Variants in MYO1E observed in about 807,000 individuals in gnomAD.
MYO1E encodes the protein unconventional myosin-Ie.
Under a neutral mutation model 151.1 loss-of-function variants are expected in MYO1E, and 68 were observed. That is an observed-to-expected ratio of 0.45 (90% CI 0.37 to 0.55). MYO1E has a LOEUF of 0.55. Among genes scored for constraint, MYO1E ranks in the 20% least tolerant of loss-of-function variants. The probability of loss-of-function intolerance (pLI) is 0.00; values close to 1 mark genes in which losing one functional copy is unlikely to be tolerated. For synonymous variants in MYO1E, 601 were observed against 501.7 expected, an observed-to-expected ratio of 1.20 and a Z score of -2.64; for missense variants, 1,363 against 1,389.3, an observed-to-expected ratio of 0.98 and a Z score of 0.30.
At chr15:59,335,271 T>G (rs1247916193) in intron 1 of MYO1E, among the ~76,000 whole-genome samples, 2 of 152,238 alleles carry the variant, frequency 1.3e-5, no homozygotes, top group Non-Finnish European at 2.9e-5. Context: ...ATATATGTAC[T>G]ATCCTTGGTA....
chr15:59,310,952 C>G (rs2080547443), intron 1 of MYO1E, among the ~76,000 whole-genome samples: 1 of 152,108 alleles, frequency 6.6e-6, no homozygotes, highest in Non-Finnish European at 1.5e-5. Flanking sequence ...TAAGCCCTCT[C>G]AAGTCTGGCC....
In MYO1E at chr15:59,159,185, G is replaced by A. The variant is rs948177441; in HGVS notation, c.2786-806C>T. ...ACACAGCAAAGGAGCTGCAGCTCTAGGGCCTGGGAGAACCGACCACGTGGG... is the reference window on the plus strand; with the variant it reads ...ACACAGCAAAGGAGCTGCAGCTCTAAGGCCTGGGAGAACCGACCACGTGGG... On this transcript the variant is annotated intron_variant, in intron 24 of 27. Coordinates refer to ENST00000288235, the MANE Select transcript of MYO1E (RefSeq NM_004998.4). The surrounding 1 kb of genome is among the most constrained non-coding windows in gnomAD (Gnocchi z 4.4). 6.6e-6 allele frequency among the ~76,000 whole-genome samples: 1 copy of A among 152,228 alleles called. No individual in the cohort carries two copies. The highest frequency in any genetic ancestry group is 6.5e-5 in the Admixed American group (1 of 15,286).
intron 15 of MYO1E, 90 bp from the exon 16 acceptor site, chr15:59,202,497 T>C (rs557614839): frequency 8.5e-7 from 1 of 1,172,338 alleles, no homozygotes. Flanking sequence ...TGAAGGGCCG[T>C]CCCCAGGCAC....
At chr15:59,206,873 T>C (rs2079838111) in intron 14 of MYO1E, 11 of 1,505,046 alleles carry the variant, frequency 7.3e-6, no homozygotes, top group Middle Eastern at 3.7e-4. Context: ...AACGGCTCTC[T>C]TGGCGTCTCA....
chr15:59,138,362 C>T lies in MYO1E; in HGVS notation c.3086G>A (p.Arg1029Lys), dbSNP rs1463032558. 7 of 1,613,890 alleles carry T rather than the reference C, an allele frequency of 4.3e-6. No individual in the cohort carries two copies. The highest frequency in any genetic ancestry group is 5.9e-6 in the Non-Finnish European group (7 of 1,179,938). ...KVPDQGAAGVRRQTTSRPPPA... is the reference protein window; with the variant it reads ...KVPDQGAAGVKRQTTSRPPPA... ...GGGAGGCCGACTGGTTGTTTGTCTC[C>T]TGACCCTGTGGAGAGAGTGGAGCAG... is the stretch of plus-strand genomic sequence containing the variant. Residue 1029 changes from arginine to lysine, a missense_variant, in exon 27 of 28, where the codon AGG (arginine) becomes AAG (lysine). Coordinates refer to ENST00000288235, the MANE Select transcript of MYO1E (RefSeq NM_004998.4).
At chr15:59,167,870 G>C (rs1321331057) in intron 22 of MYO1E, among the ~76,000 whole-genome samples, 1 of 151,980 alleles carries the variant, frequency 6.6e-6, no homozygotes, top group Non-Finnish European at 1.5e-5. Context: ...GTAGAGAGGG[G>C]GTTTCATCAT....
intron 1 of MYO1E, among the ~76,000 whole-genome samples, chr15:59,346,250 C>T (rs1425135057): frequency 3.9e-5 from 6 of 152,110 alleles, no homozygotes; most frequent in Non-Finnish European, 7.3e-5. Flanking sequence ...TTCAGAAGCA[C>T]GAACTGCAGG....
At chr15:59,250,336 A>G (rs890740268) in intron 4 of MYO1E, among the ~76,000 whole-genome samples, 4 of 152,180 alleles carry the variant, frequency 2.6e-5, no homozygotes, top group Middle Eastern at 3.2e-3. Flanking sequence ...AAGGTGGGCC[A>G]GGCAGGCGGT....
At chr15:59,284,256 G>A (rs1223307812) in intron 1 of MYO1E, among the ~76,000 whole-genome samples, 2 of 152,158 alleles carry the variant, frequency 1.3e-5, no homozygotes, top group Non-Finnish European at 2.9e-5. Context: ...CAGCTATCGT[G>A]GGGCAAATAG....
chr15:59,242,997 G>A (rs535830103), intron 4 of MYO1E, among the ~76,000 whole-genome samples: 15 of 152,180 alleles, frequency 9.9e-5, no homozygotes, highest in African/African-American at 3.1e-4. Flanking sequence ...AGATGCATGT[G>A]GCTTCATGGG....
At chr15:59,147,082 A>C (rs2079445585) in intron 26 of MYO1E, among the ~76,000 whole-genome samples, 1 of 152,240 alleles carries the variant, frequency 6.6e-6, no homozygotes, top group South Asian at 2.1e-4. Flanking sequence ...AGAGAAGACC[A>C]AGTGATATAC....
At chr15:59,324,669 C>CCCG (rs1386040438) in intron 1 of MYO1E, among the ~76,000 whole-genome samples, 10 of 150,540 alleles carry the variant, frequency 6.6e-5, no homozygotes, top group East Asian at 3.9e-4. Flanking sequence ...CCAAGCCCCC[C>CCCG]CCCCACAGAG....
At chr15:59,357,276 G>C (rs956979734) in intron 1 of MYO1E, among the ~76,000 whole-genome samples, 1 of 152,050 alleles carries the variant, frequency 6.6e-6, no homozygotes, top group African/African-American at 2.4e-5. Context: ...GGGGAGGTGG[G>C]AATGGGGAGA....
Position 59,256,302 on chromosome 15 carries a change from T to G in MYO1E, c.314A>C (p.Asn105Thr), listed in dbSNP as rs4130243. 1.2e-6 allele frequency: 2 copies of G among 1,606,608 alleles called. No homozygotes were observed. Among genetic ancestry groups the G allele is most frequent in the Admixed American group, 3.3e-5 (2 of 60,018 alleles). ...MYRNMIIDRENQCVIISGESG... is the reference protein window; with the variant it reads ...MYRNMIIDRETQCVIISGESG... ...TTCATACCTGATAATGACGCACTGGTTCTCTCTGTCAATGATCATGTTTCT... is the reference window on the plus strand; with the variant it reads ...TTCATACCTGATAATGACGCACTGGGTCTCTCTGTCAATGATCATGTTTCT... Residue 105 changes from asparagine (N) to threonine (T), a missense_variant, in exon 4 of 28, where the codon AAC (asparagine) becomes ACC (threonine). Transcript: ENST00000288235.
intron 6 of MYO1E, among the ~76,000 whole-genome samples, chr15:59,229,236 T>G (rs1363136938): frequency 6.6e-6 from 1 of 152,286 alleles, no homozygotes; most frequent in East Asian, 1.9e-4. Context: ...GCAGCAGTGC[T>G]CAACCTTGGA....
At chr15:59,310,957 C>T (rs12909630) in intron 1 of MYO1E, among the ~76,000 whole-genome samples, 13,788 of 152,132 alleles carry the variant, frequency 0.091, 977 homozygotes, top group East Asian at 0.37. Context: ...CCTCTCAAGT[C>T]TGGCCCCAAC....
At chr15:59,336,419 A>C (rs1396343343) in intron 1 of MYO1E, among the ~76,000 whole-genome samples, 3 of 152,030 alleles carry the variant, frequency 2.0e-5, no homozygotes, top group African/African-American at 7.2e-5. Context: ...ATACATAAAT[A>C]AGGTAAATAA....
At chr15:59,360,692 A>T (rs764969268) in intron 1 of MYO1E, among the ~76,000 whole-genome samples, 1 of 152,136 alleles carries the variant, frequency 6.6e-6, no homozygotes, top group Non-Finnish European at 1.5e-5. Context: ...GAGCCTCATC[A>T]CTACAAAAGG....
At chr15:59,178,351 C>T (rs374235819) in intron 19 of MYO1E, 42 bp downstream of exon 19, 228 of 1,610,402 alleles carry the variant, frequency 1.4e-4, no homozygotes, top group Admixed American at 5.0e-4. Context: ...TGGCGGGGGC[C>T]CCGCGGGAGG....
Sources: allele counts gnomAD v4.1 joint callset (sites outside exome capture counted in the v4.1 genomes callset), GRCh38; gene constraint gnomAD v4.1.1; non-coding constraint Gnocchi (gnomAD v3.1); transcripts MANE v1.5; gene names NCBI Gene and HGNC (gene_info 2026-07-23, HGNC 2026-07-21).